Variants in MPPED2 observed in about 807,000 individuals in gnomAD.
MPPED2 encodes the protein metallophosphoesterase domain containing 2, also known as metallophosphoesterase MPPED2.
MPPED2 carries 5 observed loss-of-function variants against 33.0 expected under a neutral mutation model. The observed-to-expected ratio is 0.15, with a 90% confidence interval of 0.08 to 0.32. The LOEUF (loss-of-function observed/expected upper bound fraction) is 0.32, where lower values mean the gene tolerates loss of function less well. MPPED2 is among the 10% of genes least tolerant of loss of function. The pLI is 1.00. For missense variants in MPPED2, 275 were observed against 372.1 expected, an observed-to-expected ratio of 0.74 and a Z score of 2.15; for synonymous variants, 136 against 141.9, an observed-to-expected ratio of 0.96 and a Z score of 0.29.
intron 3 of MPPED2, among the ~76,000 whole-genome samples, chr11:30,530,150 C>A (rs1262937836): frequency 6.6e-6 from 1 of 152,128 alleles, no homozygotes; most frequent in Non-Finnish European, 1.5e-5. Context: ...AACAATATAC[C>A]CTTCTTATTT....
chr11:30,401,636 A>G (rs529056), intron 6 of MPPED2, among the ~76,000 whole-genome samples: 55,190 of 152,020 alleles, frequency 0.36, 10,336 homozygotes, highest in African/African-American at 0.39. Flanking sequence ...AAGAAGGTCA[A>G]TTGTAATTTT....
chr11:30,393,062 G>A (rs1266520903), intron 6 of MPPED2, among the ~76,000 whole-genome samples: 1 of 151,942 alleles, frequency 6.6e-6, no homozygotes, highest in Non-Finnish European at 1.5e-5. Flanking sequence ...TTGTATTTGG[G>A]AACCTTCAAT....
intron 4 of MPPED2, among the ~76,000 whole-genome samples, chr11:30,432,693 T>C (rs1429872269): frequency 6.6e-6 from 1 of 152,232 alleles, no homozygotes; most frequent in Non-Finnish European, 1.5e-5. Context: ...ACAATTCTTT[T>C]TTGAAAATTG....
At chr11:30,447,288 C>T (rs1024492541) in intron 4 of MPPED2, among the ~76,000 whole-genome samples, 2 of 152,160 alleles carry the variant, frequency 1.3e-5, no homozygotes, top group Non-Finnish European at 2.9e-5. Flanking sequence ...TGATAAAAAC[C>T]CCAAACCCAC....
intron 2 of MPPED2, among the ~76,000 whole-genome samples, chr11:30,541,168 T>C (rs1955089297): frequency 6.6e-6 from 1 of 152,220 alleles, no homozygotes; most frequent in Non-Finnish European, 1.5e-5. Context: ...AAGCCTCAAA[T>C]CTTGTTCTTG....
intron 4 of MPPED2, among the ~76,000 whole-genome samples, chr11:30,449,003 A>G (rs1348049696): frequency 6.6e-6 from 1 of 152,152 alleles, no homozygotes; most frequent in Non-Finnish European, 1.5e-5. Flanking sequence ...CATAGTACTT[A>G]CCATAATTCA....
chr11:30,482,903 G>T (rs1951554043), intron 4 of MPPED2, among the ~76,000 whole-genome samples: 1 of 152,146 alleles, frequency 6.6e-6, no homozygotes, highest in Admixed American at 6.6e-5. Flanking sequence ...TTCAAACTCT[G>T]TAGAAGGTAA....
At chr11:30,484,335 A>C (rs1051987467) in intron 4 of MPPED2, among the ~76,000 whole-genome samples, 1 of 152,112 alleles carries the variant, frequency 6.6e-6, no homozygotes, top group African/African-American at 2.4e-5. Flanking sequence ...TTTTCTTGCT[A>C]CAAATTTTAT....
chr11:30,501,202 C>A (rs990409536), intron 3 of MPPED2, among the ~76,000 whole-genome samples: 1 of 152,160 alleles, frequency 6.6e-6, no homozygotes, highest in Non-Finnish European at 1.5e-5. Context: ...CTTTCCCAAT[C>A]GCCATCAATA....
At chr11:30,466,546 G>A (rs1047677279) in intron 4 of MPPED2, among the ~76,000 whole-genome samples, 9 of 152,220 alleles carry the variant, frequency 5.9e-5, no homozygotes, top group African/African-American at 1.9e-4. Context: ...GATGGCAGAG[G>A]TCAATCTGCC....
chr11:30,437,589 T>C (rs1169658106), intron 4 of MPPED2, among the ~76,000 whole-genome samples: 1 of 152,200 alleles, frequency 6.6e-6, no homozygotes, highest in Non-Finnish European at 1.5e-5. Flanking sequence ...CTTATCTGAA[T>C]ACTAGCCTAA....
At chr11:30,472,571 T>G (rs943886817) in intron 4 of MPPED2, among the ~76,000 whole-genome samples, 54 of 152,288 alleles carry the variant, frequency 3.5e-4, no homozygotes, top group African/African-American at 1.3e-3. Flanking sequence ...CAATGAAATA[T>G]TATTCAGCCT....
At chr11:30,546,368 G>C (rs1456165604) in intron 2 of MPPED2, among the ~76,000 whole-genome samples, 8 of 152,060 alleles carry the variant, frequency 5.3e-5, no homozygotes, top group African/African-American at 1.9e-4. Flanking sequence ...GTAGGGGAGA[G>C]AGTTGGGAGT....
chr11:30,499,082 C>A (rs1952434865), intron 3 of MPPED2, among the ~76,000 whole-genome samples: 1 of 152,210 alleles, frequency 6.6e-6, no homozygotes, highest in Non-Finnish European at 1.5e-5. Flanking sequence ...ACTACCTCCC[C>A]AAAGCAGCCA....
At chr11:30,507,204 G>A (rs1374611361) in intron 3 of MPPED2, among the ~76,000 whole-genome samples, 1 of 152,158 alleles carries the variant, frequency 6.6e-6, no homozygotes, top group Admixed American at 6.6e-5. Context: ...AAGAGCAAAT[G>A]CTAGAAAATG....
chr11:30,400,107 A>C (rs1379172777), intron 6 of MPPED2, among the ~76,000 whole-genome samples: 1 of 152,162 alleles, frequency 6.6e-6, no homozygotes, highest in Non-Finnish European at 1.5e-5. Context: ...TAGAGATAGG[A>C]TCTTGCTCTG....
At chr11:30,463,687 G>A (rs1054802932) in intron 4 of MPPED2, among the ~76,000 whole-genome samples, 1 of 152,176 alleles carries the variant, frequency 6.6e-6, no homozygotes, top group Non-Finnish European at 1.5e-5. Flanking sequence ...TACATGTTAA[G>A]GCCACATCAA....
At chr11:30,572,392 G>A (rs751239454) in intron 2 of MPPED2, among the ~76,000 whole-genome samples, 2 of 152,068 alleles carry the variant, frequency 1.3e-5, no homozygotes, top group African/African-American at 4.8e-5. Context: ...CACAAGACAG[G>A]TGCCCTCAGG....
intron 3 of MPPED2, among the ~76,000 whole-genome samples, chr11:30,510,490 A>G (rs1384373691): frequency 6.6e-6 from 1 of 152,186 alleles, no homozygotes; most frequent in East Asian, 1.9e-4. Flanking sequence ...CAATACCACC[A>G]AGGTGGTTTC....
Sources: gnomAD v4.1 joint callset for allele counts (sites outside exome capture counted in the v4.1 genomes callset) on GRCh38, gnomAD v4.1.1 for gene constraint, MANE v1.5 for transcripts, NCBI Gene and HGNC (gene_info 2026-07-23, HGNC 2026-07-21) for gene names.